PCDH15: variants seen among roughly 807,000 people sequenced by gnomAD.
PCDH15 encodes protocadherin related 15, also known as protocadherin-15.
In PCDH15, 129 loss-of-function variants were observed where a neutral mutation model predicts 178.5. The ratio of observed to expected loss-of-function variants is 0.72; its 90% confidence interval spans 0.63 to 0.84. PCDH15 has a LOEUF of 0.84. Ranked by LOEUF, PCDH15 falls within the 40% of genes least tolerant of loss-of-function variation. The pLI is 0.00. For synonymous variants in PCDH15, 800 were observed against 732.0 expected, an observed-to-expected ratio of 1.09 and a Z score of -1.50; for missense variants, 2,230 against 2,099.9, an observed-to-expected ratio of 1.06 and a Z score of -1.21.
At chr10:55,336,131 A>AAAC (rs1302371846) in intron 2 of PCDH15, among the ~76,000 whole-genome samples, 3 of 128,802 alleles carry the variant, frequency 2.3e-5, no homozygotes, top group African/African-American at 7.9e-5. Context: ...TTTGAAAAAA[A>AAAC]AAAAAAAAAA....
chr10:53,876,213 C>G (rs117870000), intron 26 of PCDH15, among the ~76,000 whole-genome samples: 2 of 148,262 alleles, frequency 1.3e-5, no homozygotes, highest in South Asian at 2.1e-4. Context: ...TTTTTTGACA[C>G]AGTCTTGCTC....
At position 54,586,775 on chromosome 10, in the gene PCDH15, TGA is replaced by T. The variant is rs1441654000; in HGVS notation, c.92-58900_92-58899del. Among the ~76,000 whole-genome samples the T allele has an allele frequency of 2.0e-5, 3 of 152,132 alleles. No individual in the cohort carries two copies. The South Asian group carries it at 6.2e-4, about 32-fold the overall frequency. On this transcript the variant is annotated intron_variant, in intron 2 of 37. Coordinates refer to ENST00000644397, the MANE Select transcript of PCDH15 (RefSeq NM_001384140.1). ...TTCTAAAGTGCTGGGATTACAGGCATGAGCCACCACACCTGGACGGATGTGCC... is the reference window on the plus strand; with the variant it reads ...TTCTAAAGTGCTGGGATTACAGGCATGCCACCACACCTGGACGGATGTGCC...
chr10:53,999,152 C>A (rs2092000521), intron 20 of PCDH15, among the ~76,000 whole-genome samples: 1 of 151,820 alleles, frequency 6.6e-6, no homozygotes. Context: ...ACAGTATAAG[C>A]CAATGGGCGG....
chr10:54,081,375 A>G (rs1460558994), intron 16 of PCDH15, among the ~76,000 whole-genome samples: 1 of 152,066 alleles, frequency 6.6e-6, no homozygotes, highest in Non-Finnish European at 1.5e-5. Context: ...TATTCCAAAA[A>G]TACTATATGC....
At chr10:54,679,274 A>G (rs868811357) in intron 1 of PCDH15, among the ~76,000 whole-genome samples, 1 of 152,016 alleles carries the variant, frequency 6.6e-6, no homozygotes, top group South Asian at 2.1e-4. Flanking sequence ...GGTCTAAACT[A>G]CAAAATTTGC....
chr10:55,130,712 T>C (rs1039277359), intron 2 of PCDH15, among the ~76,000 whole-genome samples: 4 of 151,318 alleles, frequency 2.6e-5, no homozygotes, highest in Non-Finnish European at 4.4e-5. Flanking sequence ...TGTGTGTGTG[T>C]GTGTGTGTGT....
intron 1 of PCDH15, among the ~76,000 whole-genome samples, chr10:54,784,860 C>G (rs2133456992): frequency 6.6e-6 from 1 of 152,080 alleles, no homozygotes; most frequent in Admixed American, 6.6e-5. Flanking sequence ...GAAGATGAAT[C>G]TATGTGAATG....
At chr10:53,911,491 C>G (rs534683508) in intron 25 of PCDH15, among the ~76,000 whole-genome samples, 21 of 152,002 alleles carry the variant, frequency 1.4e-4, no homozygotes, top group Non-Finnish European at 2.8e-4. Context: ...GCACTAAATG[C>G]CCACAAGAGA....
intron 1 of PCDH15, among the ~76,000 whole-genome samples, chr10:54,710,730 A>G (rs2095420282): frequency 2.0e-5 from 3 of 152,094 alleles, no homozygotes; most frequent in Non-Finnish European, 4.4e-5. Flanking sequence ...TTAGCAGGAA[A>G]AAATGAACAA....
At chr10:54,112,253 A>T (rs1285654251) in intron 15 of PCDH15, among the ~76,000 whole-genome samples, 1 of 152,134 alleles carries the variant, frequency 6.6e-6, no homozygotes, top group Non-Finnish European at 1.5e-5. Flanking sequence ...GACATTTTTG[A>T]ACTGGAAAAT....
chr10:55,412,314 T>C (rs1385640325), intron 2 of PCDH15, among the ~76,000 whole-genome samples: 1 of 152,042 alleles, frequency 6.6e-6, no homozygotes, highest in Non-Finnish European at 1.5e-5. Context: ...TTTTTCCTTT[T>C]TAAAAAAACC....
At chr10:55,382,489 G>T (rs746741694) in intron 2 of PCDH15, among the ~76,000 whole-genome samples, 41 of 152,120 alleles carry the variant, frequency 2.7e-4, no homozygotes, top group Non-Finnish European at 4.3e-4. Context: ...ACAAGCCAAA[G>T]AATGCAGGTA....
intron 2 of PCDH15, among the ~76,000 whole-genome samples, chr10:55,460,508 C>T (rs79325370): frequency 1.3e-5 from 2 of 152,162 alleles, no homozygotes; most frequent in East Asian, 1.9e-4. Flanking sequence ...CTGTTTATCC[C>T]AGTCTGTATA....
At chr10:54,800,807 G>A (rs1409673174) in intron 1 of PCDH15, 118 bp downstream of exon 1, 2 of 152,082 alleles carry the variant, frequency 1.3e-5, no homozygotes, top group Non-Finnish European at 1.5e-5. Flanking sequence ...CAACAAGCAT[G>A]ACAGAAAGTA....
At chr10:54,331,648 GTGT>G in intron 6 of PCDH15, among the ~76,000 whole-genome samples, 1 of 151,922 alleles carries the variant, frequency 6.6e-6, no homozygotes, top group Non-Finnish European at 1.5e-5. Context: ...TTATCCTAAT[GTGT>G]TGTTATGAGG....
At chr10:55,217,080 G>C (rs1216558167) in intron 1 of PCDH15, among the ~76,000 whole-genome samples, 1 of 151,868 alleles carries the variant, frequency 6.6e-6, no homozygotes, top group Non-Finnish European at 1.5e-5. Flanking sequence ...AAGAATGGTA[G>C]GGGGTGGGTT....
intron 3 of PCDH15, among the ~76,000 whole-genome samples, chr10:54,851,126 T>C (rs1248687506): frequency 6.6e-6 from 1 of 152,080 alleles, no homozygotes; most frequent in Non-Finnish European, 1.5e-5. Flanking sequence ...TGACCATAAA[T>C]ATGGAAAAAG....
chr10:54,388,524 C>T (rs1024549375), intron 3 of PCDH15, among the ~76,000 whole-genome samples: 6 of 152,168 alleles, frequency 3.9e-5, no homozygotes, highest in African/African-American at 1.2e-4. Context: ...ACGCCACATA[C>T]TGTAAGAGAA....
At chr10:55,095,053 C>T (rs1307475831) in intron 2 of PCDH15, among the ~76,000 whole-genome samples, 1 of 151,098 alleles carries the variant, frequency 6.6e-6, no homozygotes, top group African/African-American at 2.4e-5. Flanking sequence ...TTCCAAGTAG[C>T]GGGACCACAA....
Sources: gnomAD v4.1 joint callset for allele counts (sites outside exome capture counted in the v4.1 genomes callset) on GRCh38, gnomAD v4.1.1 for gene constraint, MANE v1.5 for transcripts, NCBI Gene and HGNC (gene_info 2026-07-23, HGNC 2026-07-21) for gene names.